Variants in CDH19 observed in about 807,000 individuals in gnomAD.
CDH19 encodes cadherin-19.
Under a neutral mutation model 64.2 loss-of-function variants are expected in CDH19, and 67 were observed. The observed-to-expected ratio is 1.04, with a 90% CI of 0.86 to 1.28. The LOEUF is 1.28. CDH19 is among the 50% of genes most tolerant of loss of function. CDH19 has a pLI of 0.00. For missense variants in CDH19, 1,030 were observed against 929.0 expected (o/e 1.11, Z -1.41); for synonymous variants, 346 against 319.3 (o/e 1.08, Z -0.89).
At chr18:66,540,441 A>G (rs1025664006) in intron 7 of CDH19, among the ~76,000 whole-genome samples, 2 of 152,178 alleles carry the variant, frequency 1.3e-5, no homozygotes, top group Non-Finnish European at 2.9e-5. Flanking sequence ...TGTCTTAGTC[A>G]TCACAGACAG....
At chr18:66,554,338 A>T in intron 4 of CDH19, 67 bp downstream of exon 4, 13 of 1,530,712 alleles carry the variant, frequency 8.5e-6, no homozygotes, top group Non-Finnish European at 9.0e-6. Flanking sequence ...TTCTAAGCAG[A>T]TAATTTTTGC....
chr18:66,528,170 GC>G (rs1341284748), intron 9 of CDH19, among the ~76,000 whole-genome samples: 1 of 151,918 alleles, frequency 6.6e-6, no homozygotes, highest in Non-Finnish European at 1.5e-5. Flanking sequence ...TTTAAAAGTT[GC>G]TTGTTATATT....
chr18:66,544,062 A>G lies in CDH19; in HGVS notation c.1123T>C (p.Tyr375His). Residue 375 changes from tyrosine to histidine, a missense_variant, in exon 7 of 12, where the codon TAT (tyrosine) becomes CAT (histidine). Transcript: ENST00000262150. ...GTTTCTTCAAAAACTTCAAATACAT[A>G]ATATGGAAGGAGGAAAAGAGGAGGC... Reference protein sequence around the residue: ...DEPPLFLLPYYVFEVFEETPQ... With the variant: ...DEPPLFLLPYHVFEVFEETPQ... The G allele has an allele frequency of 6.2e-7, 1 of 1,613,760 alleles. No individual in the cohort carries two copies. Among genetic ancestry groups the G allele is most frequent in the Non-Finnish European group, 8.5e-7 (1 of 1,179,716 alleles).
chr18:66,594,582 A>G (rs888598130), intron 1 of CDH19, among the ~76,000 whole-genome samples: 24 of 152,056 alleles, frequency 1.6e-4, no homozygotes, highest in Non-Finnish European at 2.5e-4. Flanking sequence ...AACACAGTGC[A>G]ATAACAATAA....
At chr18:66,544,347 G>A (rs1408348684) in intron 6 of CDH19, 123 bp from the exon 7 acceptor site, 3 of 807,332 alleles carry the variant, frequency 3.7e-6, no homozygotes, top group Non-Finnish European at 5.7e-6. Flanking sequence ...TTCTTTTTAT[G>A]TACATGGATC....
chr18:66,530,402 T>C (rs768507494), intron 8 of CDH19, among the ~76,000 whole-genome samples: 2 of 152,098 alleles, frequency 1.3e-5, no homozygotes, highest in Non-Finnish European at 2.9e-5. Context: ...ACAGTTAAAT[T>C]ACTTGTGTAA....
chr18:66,542,243 G>A (rs559194818), intron 7 of CDH19, among the ~76,000 whole-genome samples: 2 of 152,190 alleles, frequency 1.3e-5, no homozygotes, highest in African/African-American at 4.8e-5. Context: ...GTATCAGAAG[G>A]CAACATTTTA....
chr18:66,509,635 T>A (rs1405756328), intron 10 of CDH19, among the ~76,000 whole-genome samples: 1 of 151,724 alleles, frequency 6.6e-6, no homozygotes, highest in Admixed American at 6.6e-5. Flanking sequence ...TAATCAGATA[T>A]CAATAATTTA....
intron 9 of CDH19, among the ~76,000 whole-genome samples, chr18:66,513,170 T>C (rs1985575747): frequency 6.6e-6 from 1 of 151,568 alleles, no homozygotes; most frequent in Non-Finnish European, 1.5e-5. Context: ...TATTTTATTT[T>C]ACTACCTGAT....
chr18:66,504,635 T>C lies in CDH19; in HGVS notation c.*177A>G. 1 of 543,406 alleles carries C rather than the reference T, an allele frequency of 1.8e-6. No individual in the cohort carries two copies. The highest frequency in any genetic ancestry group is 3.2e-6 in the Non-Finnish European group (1 of 315,930). 33.7% of individuals were successfully genotyped at this position (543,406 alleles called of 1,614,324 possible). A position where few individuals can be genotyped will look rare whatever the true frequency, so the allele number is the denominator to read the frequency against. On this transcript the variant is annotated 3_prime_UTR_variant, in exon 12 of 12. Coordinates refer to ENST00000262150, the MANE Select transcript of CDH19 (RefSeq NM_021153.4). ...GTTTACATTTCTCCCCACATCTCTG[T>C]TCAATGACAGCATGTAGGTAGCTTA...
At chr18:66,541,762 A>G (rs1314980847) in intron 7 of CDH19, among the ~76,000 whole-genome samples, 3 of 152,140 alleles carry the variant, frequency 2.0e-5, no homozygotes, top group African/African-American at 7.2e-5. Context: ...TTATTTTAAA[A>G]AGTAATAATT....
chr18:66,528,274 C>T (rs895273406), intron 9 of CDH19, among the ~76,000 whole-genome samples: 2 of 152,024 alleles, frequency 1.3e-5, no homozygotes, highest in Admixed American at 6.6e-5. Flanking sequence ...TATAGTACCA[C>T]GTTTGAAGAA....
intron 1 of CDH19, among the ~76,000 whole-genome samples, chr18:66,599,587 T>C (rs574296265): frequency 6.6e-6 from 1 of 152,174 alleles, no homozygotes; most frequent in Admixed American, 6.5e-5. Context: ...ATATTTGAGG[T>C]GATGGATATA....
Position 66,573,661 on chromosome 18 carries a change from A to G in CDH19, c.-112-1345T>C, listed in dbSNP as rs372541203. 7.3e-5 allele frequency among the ~76,000 whole-genome samples: 11 copies of G among 151,702 alleles called. No homozygotes were observed. The East Asian group carries it at 1.4e-3, about 19-fold the overall frequency. On this transcript the variant is annotated intron_variant, in intron 1 of 11. Transcript: ENST00000262150. ...TTTATAAGTTTGGCAAATTATTACC[A>G]ACACTGATATGAAGTTAGCTGGCTG...
At chr18:66,522,485 G>C (rs1254261690) in intron 9 of CDH19, among the ~76,000 whole-genome samples, 2 of 151,800 alleles carry the variant, frequency 1.3e-5, no homozygotes, top group Non-Finnish European at 2.9e-5. Flanking sequence ...CCTGACCTCA[G>C]GTGATCCACC....
intron 11 of CDH19, among the ~76,000 whole-genome samples, chr18:66,508,296 T>A (rs1985298938): frequency 6.6e-6 from 1 of 151,804 alleles, no homozygotes; most frequent in Non-Finnish European, 1.5e-5. Flanking sequence ...CAGTTAGACA[T>A]TAGGAATAAA....
At chr18:66,581,706 G>C (rs1465410162) in intron 1 of CDH19, among the ~76,000 whole-genome samples, 1 of 152,080 alleles carries the variant, frequency 6.6e-6, no homozygotes, top group Admixed American at 6.6e-5. Context: ...GCCACTGAAG[G>C]CTGCACTGTT....
At chr18:66,579,856 T>C (rs892193037) in intron 1 of CDH19, among the ~76,000 whole-genome samples, 3 of 152,014 alleles carry the variant, frequency 2.0e-5, no homozygotes, top group African/African-American at 4.8e-5. Context: ...TTCTTTCTTG[T>C]TATATAAAAA....
chr18:66,511,490 TCCA>T lies in CDH19; in HGVS notation c.1576+75_1576+77del, dbSNP rs1473695120. On this transcript the variant is annotated intron_variant, in intron 10 of 11. Transcript: ENST00000262150. Reference sequence around the variant, plus strand: ...TTATGTTGCAAGAACAGTATAAAAATCCATGCCATAAATTCCATTAAAGTCTAA... The same window carrying T: ...TTATGTTGCAAGAACAGTATAAAAATTGCCATAAATTCCATTAAAGTCTAA... 7.5e-6 allele frequency: 5 copies of T among 667,856 alleles called. No individual in the cohort carries two copies. In the Admixed American group the frequency reaches 1.3e-4, roughly 17 times the overall value. The allele number at this position is 667,856 out of a possible 1,614,324, so 41.4% of individuals were successfully genotyped here. A position where few individuals can be genotyped will look rare whatever the true frequency, so the allele number is the denominator to read the frequency against.
Sources: allele counts gnomAD v4.1 joint callset (sites outside exome capture counted in the v4.1 genomes callset), GRCh38; gene constraint gnomAD v4.1.1; transcripts MANE v1.5; gene names NCBI Gene and HGNC (gene_info 2026-07-23, HGNC 2026-07-21).